Variants in SGK2 observed in about 807,000 individuals in gnomAD.
The protein encoded by SGK2 is serum/glucocorticoid regulated kinase 2.
In SGK2, 36 loss-of-function variants were observed where a neutral mutation model predicts 47.5. The ratio of observed to expected loss-of-function variants is 0.76; its 90% CI spans 0.58 to 1.00. The LOEUF (loss-of-function observed/expected upper bound fraction) is 1.00. Among genes scored for constraint, SGK2 ranks in the 50% least tolerant of loss-of-function variants. The pLI is 0.00. For synonymous variants in SGK2, 157 were observed against 181.9 expected, an observed-to-expected ratio of 0.86 and a Z score of 1.10; for missense variants, 404 against 467.4, an observed-to-expected ratio of 0.86 and a Z score of 1.25.
chr20:43,570,552 G>T (rs967819398), intron 6 of SGK2, 65 bp from the exon 7 acceptor site: 29 of 1,060,738 alleles, frequency 2.7e-5, no homozygotes, highest in Non-Finnish European at 4.1e-5. Flanking sequence ...AGGGCGGGGA[G>T]CAGGTGCACC....
chr20:43,568,049 G>T, intron 5 of SGK2, 50 bp downstream of exon 5: 1 of 1,504,980 alleles, frequency 6.6e-7, no homozygotes, highest in African/African-American at 1.4e-5. Context: ...TCAAGCCGCA[G>T]CCTAGGGTGG....
intron 11 of SGK2, among the ~76,000 whole-genome samples, chr20:43,576,581 C>A (rs1390559708): frequency 6.6e-6 from 1 of 152,352 alleles, no homozygotes; most frequent in Non-Finnish European, 1.5e-5. Flanking sequence ...TACTAAGCAC[C>A]AACTATGTGC....
Position 43,572,333 on chromosome 20 carries a change from A to G in SGK2, c.597+196A>G, listed in dbSNP as rs1980194624. 6.6e-6 allele frequency among the ~76,000 whole-genome samples: 1 copy of G among 152,238 alleles called. No homozygotes were observed. Among genetic ancestry groups the G allele is most frequent in the South Asian group, 2.1e-4 (1 of 4,832 alleles). On this transcript the variant is annotated intron_variant, in intron 9 of 12. Coordinates refer to ENST00000373100, the MANE Select transcript of SGK2 (RefSeq NM_170693.3). The surrounding 1 kb of genome is among the most constrained non-coding windows in gnomAD (Gnocchi z 4.2). The stretch of plus-strand genomic sequence containing the variant: ...GCTCTAGGACTGCTGAGACCCAGCC[A>G]GCTAGCTGCTGGTGAAGCTCTACTG...
At chr20:43,583,488 C>T (rs1191758502) in intron 12 of SGK2, 1 of 1,157,098 alleles carries the variant, frequency 8.6e-7, no homozygotes, top group Non-Finnish European at 1.1e-6. Flanking sequence ...GTCTTGTAGC[C>T]TTATTGAGAA....
chr20:43,567,098 G>A lies in SGK2; in HGVS notation c.67G>A (p.Gly23Arg). Residue 23 changes from glycine (G) to arginine (R), a missense_variant, in exon 3 of 13, where the codon GGG becomes AGG. Transcript: ENST00000373100. ...PSRANGNINL[G>R]PSANPNAQPT... is the part of the protein sequence containing the mutation. ...CAGGGCCAATGGGAACATCAACCTG[G>A]GGCCTTCAGCCAACCCAAAGTGAGT... The A allele has an allele frequency of 6.2e-7, 1 of 1,614,060 alleles. No individual in the cohort carries two copies. Among genetic ancestry groups the A allele is most frequent in the Non-Finnish European group, 8.5e-7 (1 of 1,179,968 alleles).
chr20:43,581,717 C>T lies in SGK2; in HGVS notation c.939+1656C>T, dbSNP rs142500659. 7.8e-3 allele frequency among the ~76,000 whole-genome samples: 1,183 copies of T among 152,100 alleles called. 16 individuals carry two copies. Among genetic ancestry groups the T allele is most frequent in the African/African-American group, 0.026 (1,082 of 41,480 alleles). On this transcript the variant is annotated intron_variant, in intron 12 of 12. Coordinates refer to ENST00000373100, the MANE Select transcript of SGK2 (RefSeq NM_170693.3). ...CTAATTTTTGCATTTTCAGTAGAAA[C>T]GGGGTTTCACCATATTGGCCAGGCT...
Position 43,580,077 on chromosome 20 carries a change from A to G in SGK2, c.939+16A>G, listed in dbSNP as rs1007932205. On this transcript the variant is annotated intron_variant, in intron 12 of 12. Coordinates refer to ENST00000373100, the MANE Select transcript of SGK2 (RefSeq NM_170693.3). ...CCCAAATGTGGTAAGAGGTCACAGC[A>G]TTCTAGACTCTGGATTTCCGGGGCT... The G allele has an allele frequency of 6.6e-7, 1 of 1,506,310 alleles. No homozygotes were observed. Among genetic ancestry groups the G allele is most frequent in the African/African-American group, 1.4e-5 (1 of 70,872 alleles). 93.3% of individuals were successfully genotyped at this position (1,506,310 alleles called of 1,614,324 possible).
chr20:43,584,974 A>G lies in SGK2; in HGVS notation c.1062A>G (p.Gly354=), dbSNP rs1981011393. The G allele has an allele frequency of 6.2e-7, 1 of 1,613,908 alleles. No homozygotes were observed. The highest frequency in any genetic ancestry group is 1.7e-5 in the Admixed American group (1 of 59,964). The change falls in exon 13 of 13, where the codon GGA becomes GGG. Residue 354 remains glycine, a synonymous_variant. Coordinates refer to ENST00000373100, the MANE Select transcript of SGK2 (RefSeq NM_170693.3). ...SSSGASSAFL[G]FSYAPEDDDI... is the part of the protein sequence containing the mutation. ...CTGGGGCCTCAAGTGCATTCCTGGG[A>G]TTTTCTTATGCGCCAGAGGATGATG... is the stretch of plus-strand genomic sequence containing the variant.
At chr20:43,579,274 C>T (rs546055485) in intron 11 of SGK2, among the ~76,000 whole-genome samples, 1 of 152,116 alleles carries the variant, frequency 6.6e-6, no homozygotes, top group Non-Finnish European at 1.5e-5. Context: ...CCTTGACCTC[C>T]CAAAGTGCTG....
At position 43,572,304 on chromosome 20, in the gene SGK2, A is replaced by G. The variant is rs192060316; in HGVS notation, c.597+167A>G. 1.3e-5 allele frequency among the ~76,000 whole-genome samples: 2 copies of G among 152,328 alleles called. No homozygotes were observed. The highest frequency in any genetic ancestry group is 1.9e-4 in the East Asian group (1 of 5,194). ...GTTTCCTCATCTATGTAATGGGGGT[A>G]CCAGCTCTAGGACTGCTGAGACCCA... On this transcript the variant is annotated intron_variant, in intron 9 of 12. Coordinates refer to ENST00000373100, the MANE Select transcript of SGK2 (RefSeq NM_170693.3). The surrounding 1 kb of genome is among the most constrained non-coding windows in gnomAD (Gnocchi z 4.2).
intron 8 of SGK2, among the ~76,000 whole-genome samples, chr20:43,571,702 A>G (rs1276864162): frequency 6.6e-6 from 1 of 152,188 alleles, no homozygotes; most frequent in Non-Finnish European, 1.5e-5. Context: ...GCAGAACCCC[A>G]CAGTATCTAC....
intron 9 of SGK2, among the ~76,000 whole-genome samples, chr20:43,574,011 A>G (rs927967990): frequency 6.6e-6 from 1 of 152,194 alleles, no homozygotes; most frequent in Middle Eastern, 3.2e-3. Flanking sequence ...GGGCCAGCAC[A>G]TATGTTAGCA....
intron 4 of SGK2, 23 bp downstream of exon 4, chr20:43,567,745 G>A: frequency 6.2e-7 from 1 of 1,613,280 alleles, no homozygotes; most frequent in Non-Finnish European, 8.5e-7. Context: ...GTGAGGGTGG[G>A]AAGCCTGGGT....
chr20:43,570,850 G>A lies in SGK2; in HGVS notation c.473+121G>A, dbSNP rs554130787. On this transcript the variant is annotated intron_variant, in intron 7 of 12. Coordinates refer to ENST00000373100, the MANE Select transcript of SGK2 (RefSeq NM_170693.3). Reference sequence around the variant, plus strand: ...GACTTGGTCCTTTGTTTTGGGTGGGGTTGGAGTCTCCTCCTCCGAGGTCCA... The same window carrying A: ...GACTTGGTCCTTTGTTTTGGGTGGGATTGGAGTCTCCTCCTCCGAGGTCCA... The A allele has an allele frequency of 2.8e-5, 36 of 1,269,706 alleles. 1 individual carries two copies. The African/African-American group carries it at 4.9e-4, about 17-fold the overall frequency. The allele number at this position is 1,269,706 out of a possible 1,614,324, so 78.7% of individuals were successfully genotyped here.
intron 11 of SGK2, among the ~76,000 whole-genome samples, chr20:43,579,753 A>G (rs1452611605): frequency 1.3e-5 from 2 of 152,164 alleles, no homozygotes; most frequent in Non-Finnish European, 2.9e-5. Flanking sequence ...TAGTTTTGGA[A>G]TAAACAGATG....
chr20:43,581,133 C>A (rs553825767), intron 12 of SGK2, among the ~76,000 whole-genome samples: 13 of 152,280 alleles, frequency 8.5e-5, no homozygotes, highest in African/African-American at 3.1e-4. Context: ...CCTCGGCCTC[C>A]CAAAGTGCTG....
At chr20:43,576,056 A>G (rs1201917695) in intron 10 of SGK2, among the ~76,000 whole-genome samples, 168 bp from the exon 11 acceptor site, 14 of 152,154 alleles carry the variant, frequency 9.2e-5, no homozygotes, top group Non-Finnish European at 2.1e-4. Context: ...AACTCTCTCC[A>G]TGTGCCGGAA....
In SGK2 at chr20:43,571,078, TGTGTG is replaced by T; in HGVS notation, c.510+19_510+23del. ...ACTGCCAGGTTGGTGTGTGTGTGTG[TGTGTG>T]TGTGTGTGTGTGTGTGTGTATGTGG... On this transcript the variant is annotated intron_variant, in intron 8 of 12. Coordinates refer to ENST00000373100, the MANE Select transcript of SGK2 (RefSeq NM_170693.3). 6.3e-7 allele frequency: 1 copy of T among 1,597,476 alleles called. No homozygotes were observed.
chr20:43,573,559 G>C (rs1403962838), intron 9 of SGK2, among the ~76,000 whole-genome samples: 3 of 152,104 alleles, frequency 2.0e-5, no homozygotes, highest in Non-Finnish European at 4.4e-5. Flanking sequence ...GGACCTGAAG[G>C]GGTCCCCAGT....
Sources: gnomAD v4.1 joint callset for allele counts (sites outside exome capture counted in the v4.1 genomes callset) on GRCh38, gnomAD v4.1.1 for gene constraint, Gnocchi (gnomAD v3.1) non-coding constraint, MANE v1.5 for transcripts, NCBI Gene and HGNC (gene_info 2026-07-23, HGNC 2026-07-21) for gene names.